The following DENND2B variants were observed in gnomAD, a reference collection of about 807,000 sequenced individuals.
DENND2B encodes the protein DENN domain-containing protein 2B.
In DENND2B, 32 loss-of-function variants were observed where a neutral mutation model predicts 116.0. That is an observed-to-expected ratio of 0.28 (90% confidence interval 0.21 to 0.37). The LOEUF is 0.37. DENND2B is among the 10% of genes least tolerant of loss of function. The probability of loss-of-function intolerance (pLI) is 1.00; values close to 1 mark genes in which losing one functional copy is unlikely to be tolerated. For missense variants in DENND2B, 1,276 were observed against 1,477.7 expected (o/e 0.86, Z 2.24); for synonymous variants, 588 against 583.9 (o/e 1.01, Z -0.10).
chr11:8,802,239 T>C (rs1432766090), intron 1 of DENND2B, among the ~76,000 whole-genome samples: 1 of 150,600 alleles, frequency 6.6e-6, no homozygotes, highest in Non-Finnish European at 1.5e-5. Flanking sequence ...AGATGGAAGT[T>C]GCAGTGAGCC....
intron 3 of DENND2B, chr11:8,845,310 A>T (rs2062773813): frequency 6.6e-6 from 1 of 152,242 alleles, no homozygotes; most frequent in African/African-American, 2.4e-5. Context: ...TGATCTCAAA[A>T]GCTAAGCAGG....
chr11:8,854,665 C>A (rs2063133006), intron 3 of DENND2B, among the ~76,000 whole-genome samples: 1 of 152,148 alleles, frequency 6.6e-6, no homozygotes, highest in Admixed American at 6.5e-5. Context: ...CACTTGAGCC[C>A]AGGAGTTCAA....
At chr11:8,860,899 T>C (rs1594277341) in intron 2 of DENND2B, among the ~76,000 whole-genome samples, 1 of 152,046 alleles carries the variant, frequency 6.6e-6, no homozygotes, top group Non-Finnish European at 1.5e-5. Flanking sequence ...TACAACCAAC[T>C]AACCTTCAAC....
chr11:8,743,652 C>T (rs1565814837), intron 2 of DENND2B, among the ~76,000 whole-genome samples: 1 of 152,096 alleles, frequency 6.6e-6, no homozygotes, highest in Non-Finnish European at 1.5e-5. Flanking sequence ...TCCTGTAAAT[C>T]CTCTCTGAAG....
At chr11:8,819,277 C>G (rs2061681152) in intron 4 of DENND2B, among the ~76,000 whole-genome samples, 1 of 152,110 alleles carries the variant, frequency 6.6e-6, no homozygotes, top group Non-Finnish European at 1.5e-5. Context: ...AGCTGTAGGC[C>G]TGGCTACTTT....
chr11:8,715,882 G>A, intron 5 of DENND2B, 64 bp from the exon 6 acceptor site: 1 of 1,466,540 alleles, frequency 6.8e-7, no homozygotes, highest in Non-Finnish European at 9.2e-7. Context: ...GTGTCTGTCT[G>A]CTGGGATGGG....
chr11:8,859,506 C>G (rs954129118), intron 2 of DENND2B, among the ~76,000 whole-genome samples: 4 of 152,104 alleles, frequency 2.6e-5, no homozygotes, highest in Non-Finnish European at 5.9e-5. Context: ...GACGGGGTTT[C>G]ACCATGTTAG....
chr11:8,819,373 TG>T (rs951673961), intron 4 of DENND2B, among the ~76,000 whole-genome samples: 1 of 152,004 alleles, frequency 6.6e-6, no homozygotes, highest in African/African-American at 2.4e-5. Flanking sequence ...CGCCACAGCC[TG>T]GGTGACAGAG....
chr11:8,726,182 G>A lies in DENND2B; in HGVS notation c.1368C>T (p.Ser456=), dbSNP rs1363712142. 6.2e-7 allele frequency: 1 copy of A among 1,611,848 alleles called. No homozygotes were observed. Among genetic ancestry groups the A allele is most frequent in the Non-Finnish European group, 8.5e-7 (1 of 1,179,184 alleles). The change falls in exon 4 of 20, where the codon TCC becomes TCT. Residue 456 remains serine, a synonymous_variant. Transcript: ENST00000313726. ...AAGAGGGGTACAGGGACTGGAGACT[G>A]GATGCATCCTCAAACTCAAAGGATT... ...SRKSFEFEDA[S]SLQSLYPSSP... is the part of the protein sequence containing the mutation.
rs373931593 is a variant in DENND2B at position 8,868,198 on chromosome 11, G to T, written c.-250+2756C>A. On this transcript the variant is annotated intron_variant, in intron 2 of 6. Coordinates refer to the DENND2B transcript ENST00000524757. ...AGTGAACCAAGCTACTCGCTGCAGG[G>T]TACAGTAAGTGAGACAGGAATTGAA... is the stretch of plus-strand genomic sequence containing the variant. Among the ~76,000 whole-genome samples, 3 of 152,278 alleles carry T rather than the reference G, an allele frequency of 2.0e-5. No individual in the cohort carries two copies. In the South Asian group the frequency reaches 6.2e-4, roughly 32 times the overall value.
At chr11:8,726,007 T>G (rs1433626576) in intron 4 of DENND2B, 66 bp downstream of exon 4, 25 of 1,607,684 alleles carry the variant, frequency 1.6e-5, no homozygotes, top group Non-Finnish European at 2.1e-5. Context: ...TCTAGGTGTC[T>G]CCTCCTGTTC....
At chr11:8,718,347 C>A in intron 4 of DENND2B, 3 of 1,534,984 alleles carry the variant, frequency 2.0e-6, no homozygotes, top group Non-Finnish European at 2.6e-6. Context: ...GGGGATCTCC[C>A]TGGGGACCTA....
chr11:8,696,343 C>T (rs1235219185), intron 18 of DENND2B, 84 bp downstream of exon 18: 1 of 1,563,432 alleles, frequency 6.4e-7, no homozygotes, highest in Non-Finnish European at 8.7e-7. Flanking sequence ...AGCTGATGTC[C>T]AAGAGCTTCC....
chr11:8,823,907 T>C (rs199709032), intron 4 of DENND2B, among the ~76,000 whole-genome samples: 32,388 of 144,744 alleles, frequency 0.22, 3,854 homozygotes, highest in Middle Eastern at 0.4. Context: ...CTTCTTCTTT[T>C]TTTTTTTTTT....
intron 3 of DENND2B, among the ~76,000 whole-genome samples, chr11:8,728,015 T>A (rs1159703965): frequency 7.0e-6 from 1 of 143,442 alleles, no homozygotes; most frequent in African/African-American, 2.6e-5. Flanking sequence ...ACACGCAAAT[T>A]TTTTTGAGAG....
chr11:8,697,469 A>T (rs2040573101), intron 17 of DENND2B, 56 bp downstream of exon 17: 2 of 1,420,258 alleles, frequency 1.4e-6, no homozygotes, highest in Admixed American at 3.3e-5. Flanking sequence ...TGGGGCCCTG[A>T]CCCAGAGCAG....
intron 4 of DENND2B, among the ~76,000 whole-genome samples, chr11:8,824,203 C>T (rs1393415490): frequency 1.4e-5 from 2 of 147,152 alleles, no homozygotes; most frequent in East Asian, 2.0e-4. Context: ...TGCCTGGCCT[C>T]TTTTTTTTTT....
At position 8,836,100 on chromosome 11, in the gene DENND2B, C is replaced by T. The variant is rs141349572; in HGVS notation, c.-115+3210G>A. On this transcript the variant is annotated intron_variant, in intron 4 of 6. Coordinates refer to the DENND2B transcript ENST00000524757. ...TGGTGACTCATGCCTGTAATCCCAG[C>T]ACTTTGGGAGGCCGAGGTTGGTGGA... Among the ~76,000 whole-genome samples the T allele has an allele frequency of 8.5e-3, 1,280 of 150,198 alleles. 17 individuals carry two copies. Among genetic ancestry groups the T allele is most frequent in the African/African-American group, 0.029 (1,196 of 40,956 alleles).
At chr11:8,755,311 T>G (rs560221790) in intron 1 of DENND2B, among the ~76,000 whole-genome samples, 2 of 152,374 alleles carry the variant, frequency 1.3e-5, no homozygotes, top group Non-Finnish European at 2.9e-5. Flanking sequence ...GGAGACCATC[T>G]TACTTATTAC....
Sources: allele counts gnomAD v4.1 joint callset (sites outside exome capture counted in the v4.1 genomes callset), GRCh38; gene constraint gnomAD v4.1.1; transcripts MANE v1.5; gene names NCBI Gene and HGNC (gene_info 2026-07-23, HGNC 2026-07-21).